SLC26A1: variants seen among roughly 807,000 people sequenced by gnomAD.
SLC26A1 encodes the protein solute carrier family 26 member 1.
SLC26A1 carries 18 observed loss-of-function variants against 14.5 expected under a neutral mutation model. The ratio of observed to expected loss-of-function variants is 1.24; its 90% CI spans 0.86 to 1.84. SLC26A1 has a LOEUF of 1.84. SLC26A1 is among the 40% of genes most tolerant of loss of function. The probability of loss-of-function intolerance (pLI) is 0.00; values close to 1 mark genes in which losing one functional copy is unlikely to be tolerated. For missense variants in SLC26A1, 1,049 were observed against 1,020.0 expected, an observed-to-expected ratio of 1.03 and a Z score of -0.39; for synonymous variants, 505 against 492.0, an observed-to-expected ratio of 1.03 and a Z score of -0.35.
intron 1 of SLC26A1, 165 bp from the exon 2 acceptor site, chr4:991,895 G>A (rs1410021862): frequency 8.0e-7 from 1 of 1,252,866 alleles, no homozygotes; most frequent in Non-Finnish European, 1.1e-6. Flanking sequence ...CCCCTGCCCG[G>A]TATGGATGGA....
At position 989,591 on chromosome 4, in the gene SLC26A1, G is replaced by T. The variant is rs1348525671; in HGVS notation, c.1348C>A (p.Leu450Met). 3.7e-6 allele frequency: 6 copies of T among 1,600,304 alleles called. No individual in the cohort carries two copies. The South Asian group carries it at 6.7e-5, about 18-fold the overall frequency. Residue 450 changes from leucine to methionine, a missense_variant, in exon 3 of 3, where the codon CTG becomes ATG. Physicochemically the swap from Leu to Met is conservative, Grantham distance 15. Transcript: ENST00000398516. ...CACACCTTGCGCAGGGCCCCCCGCA[G>T]GCTGACCACGATGACGCAGGCCAGC... ...SVLACVIVVS[L>M]RGALRKVWDL...
rs531374958 is a variant in SLC26A1, at chr4:987,932, G to A, written c.*901C>T. On this transcript the variant is annotated 3_prime_UTR_variant, in exon 3 of 3. Coordinates refer to ENST00000398516, the MANE Select transcript of SLC26A1 (RefSeq NM_022042.4). ...AGCAGGTCCGGACCCACTGGCTGCT[G>A]GAGCTTGTCACCACCAGGTGGGCGG... 5 of 1,589,994 alleles carry A rather than the reference G, an allele frequency of 3.1e-6. No individual in the cohort carries two copies. The East Asian group carries it at 6.9e-5, about 22-fold the overall frequency.
rs199660976 is a variant in SLC26A1, at chr4:989,243, C to T, written c.1696G>A (p.Ala566Thr). 17 of 1,612,512 alleles carry T rather than the reference C, an allele frequency of 1.1e-5. No individual in the cohort carries two copies. The highest frequency in any genetic ancestry group is 4.5e-5 in the East Asian group (2 of 44,876). The stretch of plus-strand genomic sequence containing the variant: ...TTCCTCCTGGCAGCCATGCACCCTG[C>T]GTCCAGCCCCGTGAGGCTGTAGAGT... ...QSLYSLTGLD[A>T]GCMAARRKEG... The change falls in exon 3 of 3, where the codon GCA (alanine) becomes ACA (threonine). Residue 566 changes from alanine (A) to threonine (T), a missense_variant. Physicochemically the swap from Ala to Thr is moderately conservative, Grantham distance 58. Coordinates refer to ENST00000398516, the MANE Select transcript of SLC26A1 (RefSeq NM_022042.4).
rs768422113 is a variant in SLC26A1 at position 989,263 on chromosome 4, T to C, written c.1676A>G (p.Tyr559Cys). The change falls in exon 3 of 3, where the codon TAC becomes TGC. Residue 559 changes from tyrosine to cysteine, a missense_variant. Tyr to Cys is a radical substitution (Grantham distance 194). Transcript: ENST00000398516. ...ANKDFFLQSL[Y>C]SLTGLDAGCM... ...CCCTGCGTCCAGCCCCGTGAGGCTG[T>C]AGAGTGACTGCAGGAAGAAGTCCTT... 6 of 1,612,444 alleles carry C rather than the reference T, an allele frequency of 3.7e-6. No homozygotes were observed. The highest frequency in any genetic ancestry group is 1.3e-5 in the African/African-American group (1 of 74,900).
chr4:985,696 T>C (rs1713694506), downstream of SLC26A1, among the ~76,000 whole-genome samples: 1 of 152,234 alleles, frequency 6.6e-6, no homozygotes, highest in South Asian at 2.1e-4. Context: ...TTTTGTATTA[T>C]GTTTTTCCTC....
downstream of SLC26A1, chr4:987,343 C>T (rs1713812766): frequency 4.3e-6 from 5 of 1,154,740 alleles, no homozygotes; most frequent in African/African-American, 1.6e-5. Context: ...GAGCTCCCTC[C>T]TCTGGGGCCC....
In SLC26A1 at chr4:989,516, C is replaced by A; in HGVS notation, c.1423G>T (p.Ala475Ser). 2.6e-6 allele frequency: 4 copies of A among 1,554,024 alleles called. No homozygotes were observed. The highest frequency in any genetic ancestry group is 3.5e-6 in the Non-Finnish European group (4 of 1,149,528). ...RMSPADALVW[A>S]GTAATCMLVS... is the part of the protein sequence containing the mutation. ...AGCATACAGGTGGCCGCGGTGCCTG[C>A]CCAGACCAGCGCGTCAGCCGGGCTC... Residue 475 changes from alanine (A) to serine (S), a missense_variant, in exon 3 of 3, where the codon GCA becomes TCA. Ala to Ser is a moderately conservative substitution (Grantham distance 99). Coordinates refer to ENST00000398516, the MANE Select transcript of SLC26A1 (RefSeq NM_022042.4).
At chr4:981,022 G>A (rs960808686) in intron 2 of SLC26A1, among the ~76,000 whole-genome samples, 2 of 152,168 alleles carry the variant, frequency 1.3e-5, no homozygotes, top group African/African-American at 4.8e-5. Flanking sequence ...ACCCAGCAGG[G>A]TCTCAACCAG....
At chr4:992,095 A>T (rs1178264494) in intron 1 of SLC26A1, 1 of 508,916 alleles carries the variant, frequency 2.0e-6, no homozygotes, top group African/African-American at 1.9e-5. Context: ...CCTGAAGCTC[A>T]CCTCCCCAAC....
chr4:979,596 C>T (rs1413991513), intron 2 of SLC26A1: 8 of 1,505,604 alleles, frequency 5.3e-6, no homozygotes, highest in South Asian at 2.3e-5. Flanking sequence ...CCCCAAAGTG[C>T]CCACTGCCTC....
chr4:990,488 C>G, intron 2 of SLC26A1, 126 bp from the exon 3 acceptor site: 1 of 955,766 alleles, frequency 1.0e-6, no homozygotes, highest in South Asian at 1.7e-5. Context: ...GTTGCGGCCC[C>G]GTGTGTTCCA....
chr4:979,431 A>G lies in SLC26A1; in HGVS notation c.650T>C (p.Leu217Pro). 1.3e-6 allele frequency: 2 copies of G among 1,596,224 alleles called. 1 individual carries two copies. Among genetic ancestry groups the G allele is most frequent in the South Asian group, 2.2e-5 (2 of 90,232 alleles). Residue 217 changes from leucine (L) to proline (P), a missense_variant, in exon 3 of 3, where the codon CTG becomes CCG. Leu to Pro is a moderately conservative substitution (Grantham distance 98). Transcript: ENST00000398520. ...TCAGCAAGATCTTTCCTCCTCTTCC[A>G]GAAGTTCCTGCGAGTCACTCCTCTG...
downstream of SLC26A1, chr4:987,609 T>A (rs1713836786): frequency 7.0e-7 from 1 of 1,435,796 alleles, no homozygotes; most frequent in South Asian, 1.5e-5. Flanking sequence ...CGTTGGCCCC[T>A]CGTCTTACTG....
chr4:989,723 T>C lies in SLC26A1; in HGVS notation c.1216A>G (p.Thr406Ala), dbSNP rs1577514548. 3 of 1,558,248 alleles carry C rather than the reference T, an allele frequency of 1.9e-6. No homozygotes were observed. The highest frequency in any genetic ancestry group is 2.7e-5 in the African/African-American group (2 of 73,730). ...AGCTGTGTCCGGCAGCCAGTGGCTG[T>C]CTTCACCAGGCTCTTGGCCAGGGCG... ...SAALAKSLVK[T>A]ATGCRTQLSS... Residue 406 changes from threonine (T) to alanine (A), a missense_variant, in exon 3 of 3, where the codon ACA becomes GCA. Thr to Ala is a moderately conservative substitution (Grantham distance 58). Transcript: ENST00000398516.
chr4:983,608 G>C (rs540144343), downstream of SLC26A1, among the ~76,000 whole-genome samples: 40 of 152,312 alleles, frequency 2.6e-4, no homozygotes, highest in South Asian at 4.4e-3. Context: ...CACAGAACCT[G>C]AGTATAAAAA....
chr4:982,427 T>C (rs950323660), intron 2 of SLC26A1, among the ~76,000 whole-genome samples: 1 of 152,230 alleles, frequency 6.6e-6, no homozygotes, highest in African/African-American at 2.4e-5. Flanking sequence ...TGGCAAGCCC[T>C]GTGGGACCCT....
Position 991,259 on chromosome 4 carries a change from A to G in SLC26A1, c.445T>C (p.Ser149Pro), listed in dbSNP as rs1354383415. ...GCTCCGGGCTGCAGGCCGTCCTGGG[A>G]GGGGTCAAAGCCGGCCAGCTGGAGC... Reference protein sequence around the residue: ...RELQLAGFDPSQDGLQPGANS... With the variant: ...RELQLAGFDPPQDGLQPGANS... The change falls in exon 2 of 3, where the codon TCC (serine) becomes CCC (proline). Residue 149 changes from serine to proline, a missense_variant. Physicochemically the swap from Ser to Pro is moderately conservative, Grantham distance 74. Coordinates refer to ENST00000398516, the MANE Select transcript of SLC26A1 (RefSeq NM_022042.4). The G allele has an allele frequency of 2.5e-6, 4 of 1,612,358 alleles. No homozygotes were observed. The highest frequency in any genetic ancestry group is 3.4e-6 in the Non-Finnish European group (4 of 1,179,780).
chr4:988,758 T>A lies in SLC26A1; in HGVS notation c.*75A>T. 6.9e-7 allele frequency: 1 copy of A among 1,449,062 alleles called. No individual in the cohort carries two copies. Among genetic ancestry groups the A allele is most frequent in the Non-Finnish European group, 9.1e-7 (1 of 1,101,628 alleles). The allele number at this position is 1,449,062 out of a possible 1,614,324, so 89.8% of individuals were successfully genotyped here. A position where few individuals can be genotyped will look rare whatever the true frequency, so the allele number is the denominator to read the frequency against. On this transcript the variant is annotated 3_prime_UTR_variant, in exon 3 of 3. Coordinates refer to ENST00000398516, the MANE Select transcript of SLC26A1 (RefSeq NM_022042.4). Reference sequence around the variant, plus strand: ...TTGGGTGGCTCCTCCCTGGGAAGGGTCTCAGCAGTGGCTTGCAGACGTCTG... The same window carrying A: ...TTGGGTGGCTCCTCCCTGGGAAGGGACTCAGCAGTGGCTTGCAGACGTCTG...
chr4:989,000 C>CTAGCA lies in SLC26A1; in HGVS notation c.1934_1938dup (p.Ala647CysfsTer2), dbSNP rs755622244. The CTAGCA allele has an allele frequency of 1.3e-5, 20 of 1,591,332 alleles. No homozygotes were observed. Among genetic ancestry groups the CTAGCA allele is most frequent in the South Asian group, 2.3e-5 (2 of 88,390 alleles). On this transcript the variant is annotated frameshift_variant, in exon 3 of 3. Transcript: ENST00000398516. LOFTEE classifies it low-confidence loss of function (END_TRUNC). ...TCTCTCACAGGCGGGCTGCAGCAGG[C>CTAGCA]TAGCAGCAGGCTGATGCCCAGGGCC...
Sources: gnomAD v4.1 joint callset for allele counts (sites outside exome capture counted in the v4.1 genomes callset) on GRCh38, gnomAD v4.1.1 for gene constraint, MANE v1.5 for transcripts, NCBI Gene and HGNC (gene_info 2026-07-23, HGNC 2026-07-21) for gene names.